NCOR2: variants seen among roughly 807,000 people sequenced by gnomAD.
NCOR2 encodes CTG repeat protein 26.
A neutral mutation model predicts 262.9 loss-of-function variants in NCOR2; 81 were observed. The ratio of observed to expected loss-of-function variants is 0.31; its 90% CI spans 0.26 to 0.37. The LOEUF is 0.37. Among genes scored for constraint, NCOR2 ranks in the 10% least tolerant of loss-of-function variants. The probability of loss-of-function intolerance (pLI) is 1.00; values close to 1 mark genes in which losing one functional copy is unlikely to be tolerated. For synonymous variants in NCOR2, 1,659 were observed against 1,559.3 expected, an observed-to-expected ratio of 1.06 and a Z score of -1.51; for missense variants, 3,385 against 3,621.4, an observed-to-expected ratio of 0.93 and a Z score of 1.68.
intron 1 of NCOR2, among the ~76,000 whole-genome samples, chr12:124,516,160 T>C (rs1293746373): frequency 6.6e-6 from 1 of 152,130 alleles, no homozygotes; most frequent in African/African-American, 2.4e-5. Flanking sequence ...CCCGGGGAAC[T>C]CCCCACTGGC....
In NCOR2 at chr12:124,482,022, C is replaced by T. The variant is rs1354267305; in HGVS notation, c.411+1574G>A. ...AGGATTTGCTGATGGACTGGAAGTA[C>T]GCAGGAGAGCAGGGAGGTGGCCAGG... On this transcript the variant is annotated intron_variant, in intron 3 of 46. Transcript: ENST00000405201. The surrounding 1 kb of genome is among the most constrained non-coding windows in gnomAD (Gnocchi z 6.3). 1.3e-5 allele frequency among the ~76,000 whole-genome samples: 2 copies of T among 152,086 alleles called. No individual in the cohort carries two copies. Among genetic ancestry groups the T allele is most frequent in the African/African-American group, 4.8e-5 (2 of 41,400 alleles).
intron 43 of NCOR2, 129 bp from the exon 46 acceptor site, chr12:124,331,027 G>A: frequency 1.1e-6 from 1 of 876,320 alleles, no homozygotes; most frequent in South Asian, 1.6e-5. Context: ...AGGTTCTCAT[G>A]CAGCAGGCCT....
chr12:124,325,378 C>CCT, exon 47 of NCOR2: 1 of 232,298 alleles, frequency 4.3e-6, no homozygotes, highest in Non-Finnish European at 6.5e-6. Context: ...CCTGACACCG[C>CCT]CCCCCCCCCC....
At chr12:124,325,293 C>T in exon 47 of NCOR2, 1 of 676,394 alleles carries the variant, frequency 1.5e-6, no homozygotes, top group Non-Finnish European at 2.2e-6. Flanking sequence ...CAGGCGGACT[C>T]AGGGGCTCCT....
chr12:124,325,377 G>GGCCC, exon 47 of NCOR2: 3 of 246,782 alleles, frequency 1.2e-5, no homozygotes, highest in Non-Finnish European at 2.0e-5. Context: ...ACCTGACACC[G>GGCCC]CCCCCCCCCC....
chr12:124,326,438 C>A, intron 45 of NCOR2, 68 bp from the exon 48 acceptor site: 1 of 1,376,224 alleles, frequency 7.3e-7, no homozygotes, highest in Non-Finnish European at 9.4e-7. Context: ...TACGGTGGGG[C>A]CACAGGGGCA....
At chr12:124,426,834 A>G in intron 10 of NCOR2, 34 bp from the exon 13 acceptor site, 2 of 1,531,178 alleles carry the variant, frequency 1.3e-6, no homozygotes, top group Non-Finnish European at 1.8e-6. Flanking sequence ...TCAGAGGCCC[A>G]GGGACGAGGT....
chr12:124,378,335 G>T lies in NCOR2; in HGVS notation c.2069C>A (p.Ala690Asp). Residue 690 changes from alanine (A) to aspartate (D), a missense_variant, in exon 18 of 47, where the codon GCC becomes GAC. Ala to Asp is a moderately radical substitution (Grantham distance 126). Around this residue, in one of 5 missense-constraint regions of NCOR2, gnomAD observed 515 missense variants for 781.2 expected, o/e 0.66. Coordinates refer to ENST00000405201, the Ensembl canonical transcript of NCOR2. This position sits in a 1 kb window ranked among gnomAD's most constrained non-coding sequence, Gnocchi z 4.2. ...GGGCGGGAATGCAGCCTCCTCGCTG[G>T]CCGCCGCCGGCGCTTTCTTCTTCTT... 1 of 1,613,770 alleles carries T rather than the reference G, an allele frequency of 6.2e-7. No individual in the cohort carries two copies. The highest frequency in any genetic ancestry group is 8.5e-7 in the Non-Finnish European group (1 of 1,179,868).
rs2045283130 is a variant in NCOR2 at position 124,447,850 on chromosome 12, C to T, written c.815+1965G>A. 3.3e-5 allele frequency among the ~76,000 whole-genome samples: 5 copies of T among 152,114 alleles called. No individual in the cohort carries two copies. The South Asian group carries it at 1.0e-3, about 31-fold the overall frequency. On this transcript the variant is annotated intron_variant, in intron 7 of 46. Transcript: ENST00000405201. ...TACCTGGGACCACAGGCACGTGCCA[C>T]CACACCCAGCTAATTTCTTGTCAAT...
At chr12:124,380,485 C>T (rs1471707991) in intron 17 of NCOR2, among the ~76,000 whole-genome samples, 4 of 152,200 alleles carry the variant, frequency 2.6e-5, no homozygotes, top group East Asian at 1.9e-4. Flanking sequence ...ACCCCGCACA[C>T]GTCCTGGGCC....
At chr12:124,461,554 C>T (rs780638931) in intron 5 of NCOR2, among the ~76,000 whole-genome samples, 2 of 152,242 alleles carry the variant, frequency 1.3e-5, no homozygotes, top group African/African-American at 2.4e-5. Flanking sequence ...ACCAGACCCA[C>T]GTTACCAAGT....
intron 6 of NCOR2, among the ~76,000 whole-genome samples, chr12:124,455,941 T>A (rs557114775): frequency 6.6e-6 from 1 of 152,314 alleles, no homozygotes; most frequent in East Asian, 1.9e-4. Flanking sequence ...AGTGGTGTGA[T>A]CATAGCTCAC....
chr12:124,329,092 G>T (rs2034950274), intron 44 of NCOR2: 1 of 470,304 alleles, frequency 2.1e-6, no homozygotes, highest in Non-Finnish European at 4.4e-6. Context: ...ATTTATAAAG[G>T]TGAAGTCTGA....
chr12:124,350,783 C>T (rs371307984), intron 27 of NCOR2, 46 bp from the exon 30 acceptor site: 76 of 1,569,438 alleles, frequency 4.8e-5, no homozygotes, highest in African/African-American at 5.4e-5. Flanking sequence ...CAGCCCAGGA[C>T]CCCTCTCAAC....
intron 34 of NCOR2, 57 bp downstream of exon 36, chr12:124,341,766 C>T: frequency 1.9e-6 from 3 of 1,554,362 alleles, no homozygotes; most frequent in Middle Eastern, 1.7e-4. Flanking sequence ...AGGGGCACGC[C>T]CATGTCCTTT....
At chr12:124,408,940 C>G (rs1245590957) in intron 13 of NCOR2, among the ~76,000 whole-genome samples, 2 of 152,122 alleles carry the variant, frequency 1.3e-5, no homozygotes, top group Admixed American at 1.3e-4. Flanking sequence ...TTCCCCAGTT[C>G]CAAGTCAGCG....
chr12:124,381,356 C>T (rs1285223354), intron 17 of NCOR2, among the ~76,000 whole-genome samples: 3 of 152,198 alleles, frequency 2.0e-5, no homozygotes, highest in Non-Finnish European at 4.4e-5. Flanking sequence ...TCCCTGATCA[C>T]TCCATCATTA....
chr12:124,558,205 G>A (rs927018965), intron 1 of NCOR2, among the ~76,000 whole-genome samples: 3 of 152,058 alleles, frequency 2.0e-5, no homozygotes, highest in African/African-American at 7.2e-5. Flanking sequence ...TGGGACTAAC[G>A]ACTTCAGAGC....
intron 13 of NCOR2, among the ~76,000 whole-genome samples, chr12:124,411,705 T>C (rs2042595770): frequency 6.6e-6 from 1 of 152,250 alleles, no homozygotes; most frequent in South Asian, 2.1e-4. Flanking sequence ...TATAAACCAC[T>C]GTGCCAGCGC....
Sources: gnomAD v4.1 joint callset for allele counts (sites outside exome capture counted in the v4.1 genomes callset) on GRCh38, gnomAD v4.1.1 for gene constraint, gnomAD v4.1.1 regional missense constraint, Gnocchi (gnomAD v3.1) non-coding constraint, MANE v1.5 for transcripts, NCBI Gene and HGNC (gene_info 2026-07-23, HGNC 2026-07-21) for gene names.